Variants in TIMM23 observed in about 807,000 individuals in gnomAD.
TIMM23 encodes mitochondrial import inner membrane translocase subunit Tim23.
Under a neutral mutation model 30.7 loss-of-function variants are expected in TIMM23, and 19 were observed. The observed-to-expected ratio is 0.62, with a 90% CI of 0.43 to 0.91. TIMM23 has a LOEUF of 0.91. TIMM23 is among the 40% of genes least tolerant of loss of function. The pLI is 0.00. For synonymous variants in TIMM23, 78 were observed against 98.5 expected (o/e 0.79, Z 1.23); for missense variants, 202 against 269.2 (o/e 0.75, Z 1.75).
At chr10:46,002,506 C>T (rs1206556511) in intron 6 of TIMM23, 14 of 984,710 alleles carry the variant, frequency 1.4e-5, no homozygotes, top group Non-Finnish European at 1.7e-5. Context: ...GAGGACCCAT[C>T]CAGAGTCCAA....
Position 45,992,862 on chromosome 10 carries a change from G to C in TIMM23, c.514+4015G>C, listed in dbSNP as rs1198919619. 1.2e-4 allele frequency among the ~76,000 whole-genome samples: 19 copies of C among 152,148 alleles called. No individual in the cohort carries two copies. The South Asian group carries it at 3.9e-3, about 32-fold the overall frequency. On this transcript the variant is annotated intron_variant, in intron 6 of 6. Transcript: ENST00000580018. The stretch of plus-strand genomic sequence containing the variant: ...TGAACCACCACGCCGGGCCAAGCCA[G>C]ATTCTTTAAAGTGGCTCTATCTTCT...
chr10:45,989,720 G>A lies in TIMM23; in HGVS notation c.514+873G>A, dbSNP rs61849551. ...CACACAAGGTCAAAGCCCAGGAATG[G>A]CTTCCCTGTAAGTCAATTTAGAGCA... On this transcript the variant is annotated intron_variant, in intron 6 of 6. Transcript: ENST00000580018. 4.7e-3 allele frequency among the ~76,000 whole-genome samples: 722 copies of A among 152,260 alleles called. 5 individuals carry two copies. The highest frequency in any genetic ancestry group is 0.019 in the East Asian group (98 of 5,192).
chr10:45,999,047 G>C (rs1381504164), intron 6 of TIMM23, among the ~76,000 whole-genome samples: 1 of 152,046 alleles, frequency 6.6e-6, no homozygotes, highest in Non-Finnish European at 1.5e-5. Flanking sequence ...TGGCCAGGCT[G>C]GTCTTGAACT....
At chr10:45,975,825 G>C (rs1368348069) in intron 2 of TIMM23, among the ~76,000 whole-genome samples, 3 of 152,120 alleles carry the variant, frequency 2.0e-5, no homozygotes, top group Non-Finnish European at 2.9e-5. Context: ...TTTTGAGCCA[G>C]AGTTTTGCTT....
chr10:45,978,146 G>C (rs1370963610), intron 2 of TIMM23, among the ~76,000 whole-genome samples: 1 of 152,124 alleles, frequency 6.6e-6, no homozygotes, highest in Non-Finnish European at 1.5e-5. Flanking sequence ...GAGCCCAGGA[G>C]TTTGAGACCT....
At chr10:45,974,056 A>C (rs1554912425) in intron 1 of TIMM23, among the ~76,000 whole-genome samples, 1 of 152,082 alleles carries the variant, frequency 6.6e-6, no homozygotes, top group African/African-American at 2.4e-5. Flanking sequence ...TAATTTGATT[A>C]AGATTTGAAG....
At chr10:45,999,103 G>A (rs1838438060) in intron 6 of TIMM23, among the ~76,000 whole-genome samples, 1 of 152,010 alleles carries the variant, frequency 6.6e-6, no homozygotes, top group Non-Finnish European at 1.5e-5. Flanking sequence ...AAAGTGCTGG[G>A]ATTACAGGCC....
intron 2 of TIMM23, among the ~76,000 whole-genome samples, chr10:45,977,166 A>G (rs1194986862): frequency 1.3e-5 from 2 of 149,508 alleles, no homozygotes; most frequent in Non-Finnish European, 3.0e-5. Context: ...TGCTCACCAA[A>G]TTAACCAACA....
At position 45,987,069 on chromosome 10, in the gene TIMM23, A is replaced by G. The variant is rs1168580540; in HGVS notation, c.403+1628A>G. On this transcript the variant is annotated intron_variant, in intron 5 of 6. Transcript: ENST00000580018. ...TTAAGTGACTGTATAGTATTCCATTATATGAAAAGTCCCTCTCTGGATCAA... is the reference window on the plus strand; with the variant it reads ...TTAAGTGACTGTATAGTATTCCATTGTATGAAAAGTCCCTCTCTGGATCAA... Among the ~76,000 whole-genome samples, 380 of 152,232 alleles carry G rather than the reference A, an allele frequency of 2.5e-3. 2 individuals carry two copies. The highest frequency in any genetic ancestry group is 8.7e-3 in the African/African-American group (361 of 41,506).
intron 6 of TIMM23, among the ~76,000 whole-genome samples, chr10:45,994,105 C>T (rs1264231357): frequency 1.3e-5 from 2 of 152,016 alleles, no homozygotes; most frequent in South Asian, 2.1e-4. Flanking sequence ...TTTGGGAGGC[C>T]GAGGCAGGTG....
At chr10:45,999,731 C>T (rs868979007) in intron 6 of TIMM23, among the ~76,000 whole-genome samples, 95 of 152,164 alleles carry the variant, frequency 6.2e-4, no homozygotes, top group African/African-American at 1.9e-3. Flanking sequence ...TGAGAGCAAC[C>T]GGTCTGACCA....
In TIMM23 at chr10:45,996,129, A is replaced by C. The variant is rs1159946066; in HGVS notation, c.515-7074A>C. Reference sequence around the variant, plus strand: ...GTAATCCCAGCACTTTGGGAGGCCAAGGCGGGAGGATCACAATGTCAGGAG... The same window carrying C: ...GTAATCCCAGCACTTTGGGAGGCCACGGCGGGAGGATCACAATGTCAGGAG... On this transcript the variant is annotated intron_variant, in intron 6 of 6. Coordinates refer to ENST00000580018, the MANE Select transcript of TIMM23 (RefSeq NM_006327.4). 7.6e-5 allele frequency among the ~76,000 whole-genome samples: 11 copies of C among 144,394 alleles called. 1 individual carries two copies. Among genetic ancestry groups the C allele is most frequent in the African/African-American group, 2.7e-4 (10 of 36,468 alleles). The allele number at this position is 144,394 out of a possible 152,430, so 94.7% of individuals were successfully genotyped here.
intron 6 of TIMM23, among the ~76,000 whole-genome samples, chr10:45,993,184 T>C (rs1414699362): frequency 6.8e-6 from 1 of 146,592 alleles, no homozygotes; most frequent in East Asian, 2.0e-4. Flanking sequence ...CGTGAATGAC[T>C]ACTGCCAAAT....
chr10:45,974,361 A>T (rs1346016558), intron 1 of TIMM23, among the ~76,000 whole-genome samples: 7 of 152,198 alleles, frequency 4.6e-5, no homozygotes, highest in Non-Finnish European at 8.8e-5. Flanking sequence ...AAGGGAGTTG[A>T]CATTTGAGCT....
At chr10:45,978,462 T>G (rs1457194388) in intron 2 of TIMM23, among the ~76,000 whole-genome samples, 8 of 152,170 alleles carry the variant, frequency 5.3e-5, no homozygotes, top group Non-Finnish European at 2.9e-5. Flanking sequence ...TCTTGAAACA[T>G]TAATAAAAAA....
rs782087303 is a variant in TIMM23 at position 45,975,506 on chromosome 10, C to T, written c.159C>T (p.Leu53=). 2.4e-5 allele frequency: 39 copies of T among 1,613,698 alleles called. No individual in the cohort carries two copies. The highest frequency in any genetic ancestry group is 3.2e-5 in the Non-Finnish European group (38 of 1,179,836). Residue 53 remains leucine (L), a synonymous_variant, in exon 2 of 7, where the codon CTC becomes CTT. Coordinates refer to ENST00000580018, the MANE Select transcript of TIMM23 (RefSeq NM_006327.4). The part of the protein sequence containing the change: ...SPYLNVDPRY[L]VQDTDEFILP... Reference sequence around the variant, plus strand: ...ATTTAAATGTGGATCCACGATACCTCGTGCAGGTAAGATTAAGATTTTACT... The same window carrying T: ...ATTTAAATGTGGATCCACGATACCTTGTGCAGGTAAGATTAAGATTTTACT...
At chr10:45,985,300 G>A in intron 4 of TIMM23, 83 bp from the exon 5 acceptor site, 1 of 1,571,112 alleles carries the variant, frequency 6.4e-7, no homozygotes, top group South Asian at 1.1e-5. Context: ...GTCTAGACAT[G>A]TTAAATAGCC....
Position 46,003,251 on chromosome 10 carries a change from C to A in TIMM23, c.563C>A (p.Thr188Asn), listed in dbSNP as rs368429294. 2.5e-6 allele frequency: 4 copies of A among 1,614,174 alleles called. No individual in the cohort carries two copies. The highest frequency in any genetic ancestry group is 1.7e-5 in the Admixed American group (1 of 60,020). Residue 188 changes from threonine (T) to asparagine (N), a missense_variant, in exon 7 of 7, where the codon ACC becomes AAC. By Grantham distance (65) the Thr-to-Asn change is moderately conservative. Coordinates refer to ENST00000580018, the MANE Select transcript of TIMM23 (RefSeq NM_006327.4). ...ARGGLTGLTLTSLYALYNNWE... is the reference protein window; with the variant it reads ...ARGGLTGLTLNSLYALYNNWE... ...GGTGGTCTGACAGGACTAACACTTA[C>A]CAGCCTCTATGCACTATATAATAAC... is the stretch of plus-strand genomic sequence containing the variant.
At chr10:45,993,676 A>G (rs1402509819) in intron 6 of TIMM23, among the ~76,000 whole-genome samples, 1 of 150,102 alleles carries the variant, frequency 6.7e-6, no homozygotes, top group Non-Finnish European at 1.5e-5. Flanking sequence ...AATGAAATGA[A>G]GAGAATAAAT....
Sources: allele counts gnomAD v4.1 joint callset (sites outside exome capture counted in the v4.1 genomes callset), GRCh38; gene constraint gnomAD v4.1.1; transcripts MANE v1.5; gene names NCBI Gene and HGNC (gene_info 2026-07-23, HGNC 2026-07-21).